GLDN: variants seen among roughly 807,000 people sequenced by gnomAD.
The protein encoded by GLDN is gliomedin, also known as collomin.
GLDN carries 47 observed loss-of-function variants against 56.5 expected under a neutral mutation model. The observed-to-expected ratio is 0.83, with a 90% CI of 0.66 to 1.06. GLDN has a LOEUF of 1.06. GLDN is among the 50% of genes least tolerant of loss of function. The pLI is 0.00. For synonymous variants in GLDN, 332 were observed against 278.8 expected, an observed-to-expected ratio of 1.19 and a Z score of -1.90; for missense variants, 782 against 714.3, an observed-to-expected ratio of 1.09 and a Z score of -1.08.
chr15:51,355,993 G>A (rs1389211768), intron 1 of GLDN, among the ~76,000 whole-genome samples: 1 of 149,570 alleles, frequency 6.7e-6, no homozygotes, highest in East Asian at 2.1e-4. Context: ...GGATCACGAG[G>A]TCAGAAGATC....
At chr15:51,397,374 C>A in intron 5 of GLDN, 96 bp from the exon 6 acceptor site, 1 of 194,860 alleles carries the variant, frequency 5.1e-6, no homozygotes, top group East Asian at 1.4e-4. Flanking sequence ...TCCCTCTCTC[C>A]TTTCTCTCTT....
chr15:51,377,535 CAAG>C (rs1462143036), intron 2 of GLDN, 35 bp downstream of exon 2: 1 of 1,588,844 alleles, frequency 6.3e-7, no homozygotes, highest in Non-Finnish European at 8.6e-7. Flanking sequence ...GCTCACACAA[CAAG>C]GACTTGTGCC....
rs759993064 is a variant in GLDN, at chr15:51,401,750, C to G, written c.1178+7C>G. 1.2e-6 allele frequency: 2 copies of G among 1,611,414 alleles called. No individual in the cohort carries two copies. The highest frequency in any genetic ancestry group is 2.2e-5 in the East Asian group (1 of 44,872). On this transcript the variant is annotated splice_region_variant and intron_variant, in intron 9 of 9. Transcript: ENST00000335449. ...GTTCTAATACCCTAGTGAGGTAAGT[C>G]GCACCACAGCACCTTCTCACGCCTC...
chr15:51,401,756 A>G lies in GLDN; in HGVS notation c.1178+13A>G, dbSNP rs760520688. On this transcript the variant is annotated intron_variant, in intron 9 of 9. Coordinates refer to ENST00000335449, the MANE Select transcript of GLDN (RefSeq NM_181789.4). ...ATACCCTAGTGAGGTAAGTCGCACCACAGCACCTTCTCACGCCTCTCAGGC... is the reference window on the plus strand; with the variant it reads ...ATACCCTAGTGAGGTAAGTCGCACCGCAGCACCTTCTCACGCCTCTCAGGC... 32 of 1,610,614 alleles carry G rather than the reference A, an allele frequency of 2.0e-5. No homozygotes were observed. The Middle Eastern group carries it at 1.5e-3, about 75-fold the overall frequency.
intron 1 of GLDN, among the ~76,000 whole-genome samples, chr15:51,353,734 A>AAAAAAAAC (rs60404846): frequency 1.5e-4 from 19 of 128,860 alleles, no homozygotes; most frequent in Non-Finnish European, 2.6e-4. Flanking sequence ...AAAAAAAAAA[A>AAAAAAAAC]CCACAGTCAA....
At chr15:51,349,112 G>A (rs997760261) in intron 1 of GLDN, among the ~76,000 whole-genome samples, 3 of 152,202 alleles carry the variant, frequency 2.0e-5, no homozygotes, top group Non-Finnish European at 4.4e-5. Context: ...CCCAGCAGGC[G>A]ATTACAGCTG....
chr15:51,352,785 C>T (rs1401542073), intron 1 of GLDN, among the ~76,000 whole-genome samples: 2 of 152,186 alleles, frequency 1.3e-5, no homozygotes, highest in African/African-American at 4.8e-5. Flanking sequence ...CTCCATCTTG[C>T]TTTTAACCTC....
At position 51,380,613 on chromosome 15, in the gene GLDN, C is replaced by G. The variant is rs550620460; in HGVS notation, c.416-2823C>G. ...TTATGTCTGCCCGGACTGCTGAGCT[C>G]TCTGGGGCTGTCTTCCTTTCTCTTC... On this transcript the variant is annotated intron_variant, in intron 2 of 9. Coordinates refer to ENST00000335449, the MANE Select transcript of GLDN (RefSeq NM_181789.4). Among the ~76,000 whole-genome samples, 153 of 152,332 alleles carry G rather than the reference C, an allele frequency of 1.0e-3. 3 individuals carry two copies. The South Asian group carries it at 0.028, about 27-fold the overall frequency.
At chr15:51,352,472 C>T (rs2470161) in intron 1 of GLDN, among the ~76,000 whole-genome samples, 7,292 of 152,172 alleles carry the variant, frequency 0.048, 219 homozygotes, top group Non-Finnish European at 0.064. Flanking sequence ...GCCCTATGCT[C>T]CTAGTGTCTT....
intron 4 of GLDN, among the ~76,000 whole-genome samples, chr15:51,388,262 A>G (rs16964328): frequency 0.055 from 8,410 of 152,202 alleles, 725 homozygotes; most frequent in African/African-American, 0.18. Context: ...TTGTACTGAC[A>G]GTCTGACTCC....
At chr15:51,344,940 A>C (rs1396852312) in intron 1 of GLDN, among the ~76,000 whole-genome samples, 1 of 152,222 alleles carries the variant, frequency 6.6e-6, no homozygotes, top group Non-Finnish European at 1.5e-5. Flanking sequence ...CAAGAAGCAC[A>C]TTAAATCTTT....
chr15:51,386,431 A>G (rs1442078445), intron 4 of GLDN, among the ~76,000 whole-genome samples: 1 of 152,142 alleles, frequency 6.6e-6, no homozygotes, highest in Non-Finnish European at 1.5e-5. Flanking sequence ...CCCACTCCTG[A>G]GCCCTGGGAC....
chr15:51,382,899 G>A (rs2037798021), intron 2 of GLDN, among the ~76,000 whole-genome samples: 1 of 152,086 alleles, frequency 6.6e-6, no homozygotes, highest in Non-Finnish European at 1.5e-5. Context: ...TGCTAAGGAA[G>A]GTATTTGTTA....
intron 1 of GLDN, among the ~76,000 whole-genome samples, chr15:51,354,283 G>T (rs968036836): frequency 6.6e-6 from 1 of 152,138 alleles, no homozygotes; most frequent in African/African-American, 2.4e-5. Flanking sequence ...ATGTTGAGCT[G>T]GTGATGGCAA....
intron 1 of GLDN, among the ~76,000 whole-genome samples, chr15:51,359,152 C>A (rs1013293033): frequency 6.6e-5 from 10 of 152,176 alleles, no homozygotes; most frequent in Non-Finnish European, 1.2e-4. Context: ...ATTGTGCCCC[C>A]TCCAAGCCGT....
chr15:51,384,039 C>A lies in GLDN; in HGVS notation c.541+147C>A, dbSNP rs935631584. 7.0e-6 allele frequency: 5 copies of A among 713,794 alleles called. No homozygotes were observed. In the East Asian group the frequency reaches 1.1e-4, roughly 16 times the overall value. 44.2% of individuals were successfully genotyped at this position (713,794 alleles called of 1,614,324 possible). A position where few individuals can be genotyped will look rare whatever the true frequency, so the allele number is the denominator to read the frequency against. Reference sequence around the variant, plus strand: ...TTTAACTCTTACCTAGAAGCCATTGCGTTCCGGGATACCAAGGGTATACTT... The same window carrying A: ...TTTAACTCTTACCTAGAAGCCATTGAGTTCCGGGATACCAAGGGTATACTT... On this transcript the variant is annotated intron_variant, in intron 4 of 9. Transcript: ENST00000335449.
At chr15:51,384,278 G>T (rs182709103) in intron 4 of GLDN, 1 of 254,088 alleles carries the variant, frequency 3.9e-6, no homozygotes. Flanking sequence ...CCTGCCCAGC[G>T]AATCTGTGTT....
Position 51,341,925 on chromosome 15 carries a change from G to T in GLDN, c.241G>T (p.Ala81Ser). ...GAGCCGCGCGCCGCGCGGGGCGTCC[G>T]CACCACCCCAAGACCCGGCCAGCTC... ...ELSRAPRGAS[A>S]PPQDPASSAR... Residue 81 changes from alanine to serine, a missense_variant, in exon 1 of 10, where the codon GCA becomes TCA. Coordinates refer to ENST00000335449, the MANE Select transcript of GLDN (RefSeq NM_181789.4). The T allele has an allele frequency of 3.1e-6, 5 of 1,595,792 alleles. No homozygotes were observed. Among genetic ancestry groups the T allele is most frequent in the Non-Finnish European group, 4.2e-6 (5 of 1,178,734 alleles).
At position 51,341,808 on chromosome 15, in the gene GLDN, C is replaced by T; in HGVS notation, c.124C>T (p.Arg42Cys). ...CACGGTGTTCGCGCTGTGCCAGTGG[C>T]GCGGGCTGAGCTCGGCGCTGCGGGC... ...AGTVFALCQW[R>C]GLSSALRALE... The change falls in exon 1 of 10, where the codon CGC (arginine) becomes TGC (cysteine). Residue 42 changes from arginine to cysteine, a missense_variant. Physicochemically the swap from Arg to Cys is radical, Grantham distance 180. Coordinates refer to ENST00000335449, the MANE Select transcript of GLDN (RefSeq NM_181789.4). 6.6e-7 allele frequency: 1 copy of T among 1,513,288 alleles called. No individual in the cohort carries two copies. Among genetic ancestry groups the T allele is most frequent in the South Asian group, 1.2e-5 (1 of 81,840 alleles). 93.7% of individuals were successfully genotyped at this position (1,513,288 alleles called of 1,614,324 possible).
Sources: allele counts gnomAD v4.1 joint callset (sites outside exome capture counted in the v4.1 genomes callset), GRCh38; gene constraint gnomAD v4.1.1; transcripts MANE v1.5; gene names NCBI Gene and HGNC (gene_info 2026-07-23, HGNC 2026-07-21).